The following CCM2 variants were observed in gnomAD, a reference collection of about 807,000 sequenced individuals.
The protein encoded by CCM2 is CCM2 scaffold protein, also known as cerebral cavernous malformations 2 protein.
A neutral mutation model predicts 44.9 loss-of-function variants in CCM2; 25 were observed. The observed-to-expected ratio is 0.56, with a 90% CI of 0.41 to 0.78. CCM2 has a LOEUF of 0.78. Ranked by LOEUF, CCM2 falls within the 30% of genes least tolerant of loss-of-function variation. CCM2 has a pLI of 0.00. For missense variants in CCM2, 481 were observed against 580.6 expected (o/e 0.83, Z 1.76); for synonymous variants, 219 against 241.1 (o/e 0.91, Z 0.85).
At chr7:45,065,169 G>C (rs1798714054) in intron 4 of CCM2, among the ~76,000 whole-genome samples, 1 of 91,502 alleles carries the variant, frequency 1.1e-5, no homozygotes, top group Non-Finnish European at 2.4e-5. Flanking sequence ...GGCAGAATTG[G>C]GCAGAATTGG....
At chr7:45,059,520 GGATT>G (rs1798428846) in intron 2 of CCM2, among the ~76,000 whole-genome samples, 1 of 152,128 alleles carries the variant, frequency 6.6e-6, no homozygotes, top group South Asian at 2.1e-4. Context: ...CGAGGCGGGC[GGATT>G]GATTGAGCTC....
intron 1 of CCM2, among the ~76,000 whole-genome samples, chr7:45,016,987 T>C (rs1796294550): frequency 6.6e-6 from 1 of 152,084 alleles, no homozygotes; most frequent in South Asian, 2.1e-4. Flanking sequence ...GCCAGGATGG[T>C]CTCGATCTCC....
At chr7:45,025,149 A>G (rs1211928862) in intron 1 of CCM2, among the ~76,000 whole-genome samples, 3 of 152,240 alleles carry the variant, frequency 2.0e-5, no homozygotes, top group African/African-American at 7.2e-5. Flanking sequence ...AATTGAGGCC[A>G]TTAAGTAGGT....
At chr7:45,005,689 T>G (rs962750657) in intron 1 of CCM2, among the ~76,000 whole-genome samples, 1 of 152,254 alleles carries the variant, frequency 6.6e-6, no homozygotes, top group Non-Finnish European at 1.5e-5. Context: ...TTGCCTATTA[T>G]GTGCTTAGCC....
chr7:45,062,561 A>C lies in CCM2; in HGVS notation c.205-1357A>C, dbSNP rs148122493. Among the ~76,000 whole-genome samples, 409 of 152,342 alleles carry C rather than the reference A, an allele frequency of 2.7e-3. 2 individuals are homozygous for C. Among genetic ancestry groups the C allele is most frequent in the African/African-American group, 9.5e-3 (396 of 41,580 alleles). ...ATGAATAGATATTTCTAGGCTGTGC[A>C]TGGTGCCTCACACCTGTAATCCCAG... On this transcript the variant is annotated intron_variant, in intron 2 of 9. Transcript: ENST00000258781.
chr7:45,036,309 A>G (rs1425012430), intron 1 of CCM2, among the ~76,000 whole-genome samples: 1 of 152,224 alleles, frequency 6.6e-6, no homozygotes, highest in Non-Finnish European at 1.5e-5. Context: ...TGAATGGAAT[A>G]AAAACCCAGC....
At chr7:45,062,617 T>A (rs762989395) in intron 2 of CCM2, among the ~76,000 whole-genome samples, 23 of 152,170 alleles carry the variant, frequency 1.5e-4, no homozygotes, top group Non-Finnish European at 2.9e-4. Flanking sequence ...AGCAGATTGC[T>A]TAAGTCCAAG....
At chr7:45,012,653 T>C (rs1178577128) in intron 1 of CCM2, among the ~76,000 whole-genome samples, 1 of 151,850 alleles carries the variant, frequency 6.6e-6, no homozygotes, top group Admixed American at 6.6e-5. Flanking sequence ...ACTCCTGGGC[T>C]CAAGTGATCT....
intron 2 of CCM2, among the ~76,000 whole-genome samples, chr7:45,059,472 C>CGGT (rs934571917): frequency 6.7e-6 from 1 of 149,978 alleles, no homozygotes; most frequent in African/African-American, 2.5e-5. Flanking sequence ...AGGCTGGGTG[C>CGGT]GGTGGCTCAT....
At chr7:45,017,078 A>G (rs1004685972) in intron 1 of CCM2, among the ~76,000 whole-genome samples, 6 of 152,218 alleles carry the variant, frequency 3.9e-5, no homozygotes, top group South Asian at 2.1e-4. Flanking sequence ...CCAAACATTC[A>G]TTTTTAAAAG....
At chr7:45,015,391 T>C (rs1387420492) in intron 1 of CCM2, among the ~76,000 whole-genome samples, 2 of 152,146 alleles carry the variant, frequency 1.3e-5, no homozygotes. Flanking sequence ...TGCTGTTCCC[T>C]CCCCACAGTT....
intron 1 of CCM2, among the ~76,000 whole-genome samples, chr7:45,024,714 C>T (rs1381388321): frequency 6.6e-6 from 1 of 152,186 alleles, no homozygotes; most frequent in African/African-American, 2.4e-5. Flanking sequence ...AAAGGGATTA[C>T]CATATTCCCA....
chr7:45,044,787 A>T (rs1008424211), intron 2 of CCM2, among the ~76,000 whole-genome samples: 5 of 152,218 alleles, frequency 3.3e-5, no homozygotes, highest in Non-Finnish European at 5.9e-5. Context: ...TCCTAGAACC[A>T]TAATACTTTG....
intron 6 of CCM2, chr7:45,070,163 C>T (rs1490696401): frequency 4.6e-6 from 3 of 647,196 alleles, no homozygotes; most frequent in African/African-American, 1.8e-5. Context: ...GAGAGAGTTG[C>T]ACCAGGTCAG....
At position 45,043,146 on chromosome 7, in the gene CCM2, A is replaced by C. The variant is rs371964829; in HGVS notation, c.204+4720A>C. On this transcript the variant is annotated intron_variant, in intron 2 of 9. Transcript: ENST00000258781. ...TGCCACCATGCCCAGCTAATTTTTTATTTTGTAGAGATGAGGTCTCACTGT... is the reference window on the plus strand; with the variant it reads ...TGCCACCATGCCCAGCTAATTTTTTCTTTTGTAGAGATGAGGTCTCACTGT... Among the ~76,000 whole-genome samples the C allele has an allele frequency of 1.3e-4, 20 of 151,346 alleles. 1 individual carries two copies. The highest frequency in any genetic ancestry group is 1.2e-3 in the East Asian group (6 of 5,174).
chr7:45,069,855 A>C lies in CCM2; in HGVS notation c.639A>C (p.Leu213=), dbSNP rs1036476643. 1 of 1,614,216 alleles carries C rather than the reference A, an allele frequency of 6.2e-7. No individual in the cohort carries two copies. Among genetic ancestry groups the C allele is most frequent in the Admixed American group, 1.7e-5 (1 of 60,024 alleles). Reference sequence around the variant, plus strand: ...CTGCGGAGGAGCTTTGCTGTCTGCTAGGCCAGGTCTTCCAGGTTGTTTACA... The same window carrying C: ...CTGCGGAGGAGCTTTGCTGTCTGCTCGGCCAGGTCTTCCAGGTTGTTTACA... ...KVAAEELCCL[L]GQVFQVVYTE... Residue 213 remains leucine, a synonymous_variant, in exon 6 of 10, where the codon CTA becomes CTC. Coordinates refer to ENST00000258781, the MANE Select transcript of CCM2 (RefSeq NM_031443.4).
At chr7:45,064,260 G>A (rs1798659122) in intron 3 of CCM2, among the ~76,000 whole-genome samples, 1 of 152,226 alleles carries the variant, frequency 6.6e-6, no homozygotes, top group Admixed American at 6.5e-5. Context: ...TGAATCTGAA[G>A]GCAGTTCCAG....
At chr7:45,073,161 A>G in intron 7 of CCM2, 1 of 571,890 alleles carries the variant, frequency 1.7e-6, no homozygotes, top group Non-Finnish European at 3.1e-6. Context: ...CATTCCTGCC[A>G]CCTCCCCAAC....
At chr7:45,027,924 C>A in intron 1 of CCM2, 1 of 977,412 alleles carries the variant, frequency 1.0e-6, no homozygotes, top group Non-Finnish European at 1.6e-6. Context: ...GTCTCCATGA[C>A]CCCTGCTTTG....
Sources: gnomAD v4.1 joint callset for allele counts (sites outside exome capture counted in the v4.1 genomes callset) on GRCh38, gnomAD v4.1.1 for gene constraint, MANE v1.5 for transcripts, NCBI Gene and HGNC (gene_info 2026-07-23, HGNC 2026-07-21) for gene names.